Variants in ABCA6 observed in about 807,000 individuals in gnomAD.
The protein encoded by ABCA6 is ATP binding cassette subfamily A member 6.
A neutral mutation model predicts 191.2 loss-of-function variants in ABCA6; 164 were observed. The ratio of observed to expected loss-of-function variants is 0.86; its 90% CI spans 0.76 to 0.98. The LOEUF (loss-of-function observed/expected upper bound fraction) is 0.98, where lower values mean the gene tolerates loss of function less well. ABCA6 is among the 50% of genes least tolerant of loss of function. The probability of loss-of-function intolerance (pLI) is 0.00; values close to 1 mark genes in which losing one functional copy is unlikely to be tolerated. For synonymous variants in ABCA6, 636 were observed against 647.7 expected (o/e 0.98, Z 0.27); for missense variants, 1,958 against 1,894.1 (o/e 1.03, Z -0.63).
intron 28 of ABCA6, chr17:69,087,697 C>G (rs2072834036): frequency 3.6e-6 from 2 of 561,540 alleles, no homozygotes; most frequent in Admixed American, 6.8e-5. Flanking sequence ...AATCTTTGAC[C>G]CTTTCAAATC....
chr17:69,083,355 A>G (rs2144607014), intron 34 of ABCA6, 24 bp from the exon 35 acceptor site: 4 of 1,550,194 alleles, frequency 2.6e-6, no homozygotes, highest in Middle Eastern at 3.5e-4. Flanking sequence ...AAAAATTAAC[A>G]GTATTTAAAA....
At chr17:69,126,965 T>C (rs1191655273) in intron 8 of ABCA6, among the ~76,000 whole-genome samples, 1 of 152,244 alleles carries the variant, frequency 6.6e-6, no homozygotes, top group South Asian at 2.1e-4. Context: ...ATTAAGACAA[T>C]GAGGCCACAG....
chr17:69,079,791 A>C (rs756991752), intron 37 of ABCA6, among the ~76,000 whole-genome samples: 2 of 152,248 alleles, frequency 1.3e-5, no homozygotes, highest in African/African-American at 2.4e-5. Context: ...ACAGTCAAGA[A>C]AATAGACAAG....
chr17:69,097,928 C>G lies in ABCA6; in HGVS notation c.3112G>C (p.Asp1038His), dbSNP rs747915264. Residue 1038 changes from aspartate (D) to histidine (H), a missense_variant, in exon 23 of 39, where the codon GAT becomes CAT. Transcript: ENST00000284425. The stretch of plus-strand genomic sequence containing the variant: ...TCCCTGCTTTTTCTTACCTTGTAAT[C>G]ACTGATGCTGCCCATGGTGATATAA... ...SPYITMGSIS[D>H]YKKNAKSQLW... is the part of the protein sequence containing the mutation. The G allele has an allele frequency of 3.8e-6, 6 of 1,587,214 alleles. No homozygotes were observed. The highest frequency in any genetic ancestry group is 5.1e-6 in the Non-Finnish European group (6 of 1,171,944).
At position 69,134,863 on chromosome 17, in the gene ABCA6, G is replaced by A. The variant is rs572445745; in HGVS notation, c.461-121C>T. 38 of 545,094 alleles carry A rather than the reference G, an allele frequency of 7.0e-5. No homozygotes were observed. The East Asian group carries it at 7.3e-4, about 10-fold the overall frequency. 33.8% of individuals were successfully genotyped at this position (545,094 alleles called of 1,614,324 possible). A position where few individuals can be genotyped will look rare whatever the true frequency, so the allele number is the denominator to read the frequency against. On this transcript the variant is annotated intron_variant, in intron 4 of 38. Coordinates refer to ENST00000284425, the MANE Select transcript of ABCA6 (RefSeq NM_080284.3). ...TCTACCAGTAAACTTTTTTGGTGGT[G>A]GTGTTTCGTTTTTGTTGTGGTTGTC...
At chr17:69,112,140 G>A (rs973362860) in intron 16 of ABCA6, 43 bp downstream of exon 16, 1 of 1,379,656 alleles carries the variant, frequency 7.2e-7, no homozygotes, top group Non-Finnish European at 1.0e-6. Flanking sequence ...TCATATACCA[G>A]TATTGCAAAC....
rs983551932 is a variant in ABCA6, at chr17:69,137,363, C to G, written c.234G>C (p.Val78=). ...DKFNSSSLMV[V]YTPISNLTQQ... ...GGGTTAAATTAGATATTGGTGTATACACAACCATTAAAGAAGAGCTATTAA... is the reference window on the plus strand; with the variant it reads ...GGGTTAAATTAGATATTGGTGTATAGACAACCATTAAAGAAGAGCTATTAA... Residue 78 remains valine, a synonymous_variant, in exon 3 of 39, where the codon GTG becomes GTC. Coordinates refer to ENST00000284425, the MANE Select transcript of ABCA6 (RefSeq NM_080284.3). 6.2e-7 allele frequency: 1 copy of G among 1,613,490 alleles called. No individual in the cohort carries two copies. Among genetic ancestry groups the G allele is most frequent in the Non-Finnish European group, 8.5e-7 (1 of 1,179,746 alleles).
In ABCA6 at chr17:69,137,497, A is replaced by T. The variant is rs2073968401; in HGVS notation, c.100T>A (p.Trp34Arg). The T allele has an allele frequency of 1.2e-6, 2 of 1,611,008 alleles. No homozygotes were observed. The highest frequency in any genetic ancestry group is 1.7e-6 in the Non-Finnish European group (2 of 1,178,748). Residue 34 changes from tryptophan to arginine, a missense_variant, in exon 3 of 39, where the codon TGG (tryptophan) becomes AGG (arginine). By Grantham distance (101) the Trp-to-Arg change is moderately radical. Transcript: ENST00000284425. ...AGTCCTAGAAGTATTGAGAGGCCCC[A>T]TTCCTGTAATGCATATAAAAAGAAA... is the stretch of plus-strand genomic sequence containing the variant. ...WRMKRESLLE[W>R]GLSILLGLCI...
At chr17:69,085,758 C>T in intron 30 of ABCA6, 42 bp from the exon 31 acceptor site, 1 of 1,348,236 alleles carries the variant, frequency 7.4e-7, no homozygotes, top group Non-Finnish European at 1.1e-6. Context: ...AAGTGAAATA[C>T]TGAACAACAT....
intron 21 of ABCA6, among the ~76,000 whole-genome samples, chr17:69,102,166 T>C (rs1431173553): frequency 1.3e-5 from 2 of 152,208 alleles, no homozygotes; most frequent in East Asian, 3.9e-4. Flanking sequence ...GCCAACATGA[T>C]GAAACCCACT....
At position 69,080,964 on chromosome 17, in the gene ABCA6, A is replaced by G. The variant is rs1463415596; in HGVS notation, c.4696+102T>C. 8 of 671,454 alleles carry G rather than the reference A, an allele frequency of 1.2e-5. No homozygotes were observed. The East Asian group carries it at 1.4e-4, about 12-fold the overall frequency. The allele number at this position is 671,454 out of a possible 1,614,324, so 41.6% of individuals were successfully genotyped here. ...AGAATTCTTAAAAATCATGCCCTAC[A>G]GCCCTATTTTAAAAAATTGTTACAC... On this transcript the variant is annotated intron_variant, in intron 37 of 38. Transcript: ENST00000284425.
chr17:69,097,768 A>T, intron 23 of ABCA6, 152 bp downstream of exon 23: 1 of 531,582 alleles, frequency 1.9e-6, no homozygotes, highest in Non-Finnish European at 3.1e-6. Context: ...GAAGTAAATT[A>T]TCTGACTTGC....
At chr17:69,084,877 T>C in intron 32 of ABCA6, 151 bp downstream of exon 32, 1 of 849,488 alleles carries the variant, frequency 1.2e-6, no homozygotes, top group South Asian at 2.3e-5. Context: ...ATGCAGGAAG[T>C]CAGGTCTTGT....
At chr17:69,090,635 G>A (rs2072902822) in intron 26 of ABCA6, among the ~76,000 whole-genome samples, 1 of 152,128 alleles carries the variant, frequency 6.6e-6, no homozygotes, top group Admixed American at 6.6e-5. Context: ...CTAAGCTTTG[G>A]GAAAGTCAGG....
rs978814058 is a variant in ABCA6 at position 69,140,516 on chromosome 17, T to C, written c.96+92A>G. The C allele has an allele frequency of 6.2e-5, 38 of 608,796 alleles. No homozygotes were observed. The African/African-American group carries it at 6.3e-4, about 10-fold the overall frequency. 37.7% of individuals were successfully genotyped at this position (608,796 alleles called of 1,614,324 possible). On this transcript the variant is annotated intron_variant, in intron 2 of 38. Transcript: ENST00000284425. ...GAACTGGTAAAATCAATAAATCCCATCTACTAATTAAAAGAGAACATAAGA... is the reference window on the plus strand; with the variant it reads ...GAACTGGTAAAATCAATAAATCCCACCTACTAATTAAAAGAGAACATAAGA...
intron 6 of ABCA6, among the ~76,000 whole-genome samples, chr17:69,130,489 A>G (rs937209104): frequency 2.2e-4 from 33 of 152,316 alleles, no homozygotes; most frequent in Middle Eastern, 3.4e-3. Context: ...ATTATTCTGC[A>G]AGATGTCTTT....
intron 2 of ABCA6, among the ~76,000 whole-genome samples, chr17:69,139,379 A>C (rs1272413490): frequency 6.6e-6 from 1 of 152,222 alleles, no homozygotes; most frequent in African/African-American, 2.4e-5. Flanking sequence ...GAGAAATGCA[A>C]ATCAAAACCA....
chr17:69,124,417 G>A (rs1034649746), intron 9 of ABCA6, among the ~76,000 whole-genome samples: 15 of 151,818 alleles, frequency 9.9e-5, no homozygotes, highest in African/African-American at 3.6e-4. Flanking sequence ...TTAACTGGGC[G>A]ATCAATATAC....
At chr17:69,138,508 T>G (rs1186368077) in intron 2 of ABCA6, among the ~76,000 whole-genome samples, 1 of 152,090 alleles carries the variant, frequency 6.6e-6, no homozygotes, top group Non-Finnish European at 1.5e-5. Context: ...ATCGTGAAAA[T>G]GGCCATACTG....
Sources: gnomAD v4.1 joint callset for allele counts (sites outside exome capture counted in the v4.1 genomes callset) on GRCh38, gnomAD v4.1.1 for gene constraint, MANE v1.5 for transcripts, NCBI Gene and HGNC (gene_info 2026-07-23, HGNC 2026-07-21) for gene names.